The following GSAP variants were observed in gnomAD, a reference collection of about 807,000 sequenced individuals.
GSAP encodes the protein gamma-secretase activating protein.
GSAP carries 118 observed loss-of-function variants against 131.7 expected under a neutral mutation model. The observed-to-expected ratio is 0.90, with a 90% CI of 0.77 to 1.04. The LOEUF (loss-of-function observed/expected upper bound fraction) is 1.04. Ranked by LOEUF, GSAP falls within the 50% of genes least tolerant of loss-of-function variation. The probability of loss-of-function intolerance (pLI) is 0.00; values close to 1 mark genes in which losing one functional copy is unlikely to be tolerated. For missense variants in GSAP, 1,019 were observed against 1,013.2 expected, an observed-to-expected ratio of 1.01 and a Z score of -0.08; for synonymous variants, 381 against 363.4, an observed-to-expected ratio of 1.05 and a Z score of -0.55.
intron 24 of GSAP, 61 bp from the exon 25 acceptor site, chr7:77,321,464 C>G (rs774867835): frequency 4.8e-6 from 5 of 1,036,824 alleles, no homozygotes; most frequent in Non-Finnish European, 7.6e-6. Context: ...GGCCCCACAG[C>G]TAGGCCTCCA....
chr7:77,379,516 T>C (rs539539189), intron 8 of GSAP, among the ~76,000 whole-genome samples: 2 of 152,150 alleles, frequency 1.3e-5, no homozygotes, highest in Non-Finnish European at 2.9e-5. Flanking sequence ...AATTGCAGAA[T>C]CTTTTCTGGG....
At chr7:77,367,674 G>A (rs1302775877) in intron 12 of GSAP, among the ~76,000 whole-genome samples, 2 of 152,110 alleles carry the variant, frequency 1.3e-5, no homozygotes, top group Non-Finnish European at 2.9e-5. Flanking sequence ...TTGTTCTTAT[G>A]TCTCTGACAG....
chr7:77,385,030 C>T (rs1227038399), intron 6 of GSAP, among the ~76,000 whole-genome samples: 2 of 150,098 alleles, frequency 1.3e-5, no homozygotes, highest in Non-Finnish European at 3.0e-5. Flanking sequence ...CCATGTACTT[C>T]TAACTTTTTT....
At position 77,369,498 on chromosome 7, in the gene GSAP, GA is replaced by G. The variant is rs1291172627; in HGVS notation, c.871+4571del. 2.0e-5 allele frequency among the ~76,000 whole-genome samples: 3 copies of G among 152,186 alleles called. No individual in the cohort carries two copies. The East Asian group carries it at 5.8e-4, about 29-fold the overall frequency. On this transcript the variant is annotated intron_variant, in intron 12 of 30. Transcript: ENST00000257626. ...GGAAATTCAGGACAAATGTTTTCAA[GA>G]ATATAAAAAGTAATGGTGAAAGGAC...
intron 14 of GSAP, 140 bp from the exon 15 acceptor site, chr7:77,355,787 G>GTTTTTGTTTTTTTTT: frequency 3.4e-6 from 1 of 291,652 alleles, no homozygotes. Flanking sequence ...ATGACAGCCC[G>GTTTTTGTTTTTTTTT]TTTTTTTTTT....
intron 16 of GSAP, among the ~76,000 whole-genome samples, chr7:77,354,830 AT>A (rs1352300008): frequency 1.3e-5 from 2 of 152,198 alleles, no homozygotes; most frequent in African/African-American, 2.4e-5. Flanking sequence ...AATGTAAGCT[AT>A]TTTTATTACA....
chr7:77,384,635 T>C (rs1798280796), intron 6 of GSAP, among the ~76,000 whole-genome samples: 1 of 152,104 alleles, frequency 6.6e-6, no homozygotes, highest in Non-Finnish European at 1.5e-5. Context: ...CACCTTGTGC[T>C]GGAAGGAAAC....
intron 19 of GSAP, among the ~76,000 whole-genome samples, chr7:77,348,500 A>G (rs1251660519): frequency 1.3e-5 from 2 of 152,128 alleles, no homozygotes; most frequent in Non-Finnish European, 2.9e-5. Context: ...CCAGCTGTCC[A>G]GGCCCGGCCT....
intron 24 of GSAP, 72 bp from the exon 25 acceptor site, chr7:77,321,475 C>T: frequency 1.1e-6 from 1 of 931,734 alleles, no homozygotes; most frequent in South Asian, 1.3e-5. Flanking sequence ...TAGGCCTCCA[C>T]AACTCAGATA....
chr7:77,317,347 G>A (rs939921071), intron 26 of GSAP, among the ~76,000 whole-genome samples: 2 of 127,128 alleles, frequency 1.6e-5, no homozygotes, highest in African/African-American at 7.2e-5. Context: ...ACAAGGGTTG[G>A]GGGGGAACAT....
rs1304887835 is a variant in GSAP, at chr7:77,336,525, G to A, written c.1546-6158C>T. 4.6e-5 allele frequency among the ~76,000 whole-genome samples: 7 copies of A among 151,706 alleles called. No individual in the cohort carries two copies. The East Asian group carries it at 7.7e-4, about 17-fold the overall frequency. ...TTTTGAGACAGAGTCTCCCTCTGTCGCCCAGGCTGGAGTGCAATGGCGCAA... is the reference window on the plus strand; with the variant it reads ...TTTTGAGACAGAGTCTCCCTCTGTCACCCAGGCTGGAGTGCAATGGCGCAA... On this transcript the variant is annotated intron_variant, in intron 19 of 30. Transcript: ENST00000257626.
chr7:77,343,349 G>A (rs1172830097), intron 19 of GSAP, among the ~76,000 whole-genome samples: 1 of 152,078 alleles, frequency 6.6e-6, no homozygotes, highest in East Asian at 1.9e-4. Flanking sequence ...CTTAACTCAA[G>A]CCCTCAATCT....
At chr7:77,386,643 G>A (rs1047717465) in intron 6 of GSAP, among the ~76,000 whole-genome samples, 2 of 152,170 alleles carry the variant, frequency 1.3e-5, no homozygotes, top group Admixed American at 1.3e-4. Flanking sequence ...AGGAACACTA[G>A]ACGGTGCCTC....
At chr7:77,392,001 G>T (rs928224117) in intron 5 of GSAP, among the ~76,000 whole-genome samples, 6 of 152,202 alleles carry the variant, frequency 3.9e-5, no homozygotes, top group Middle Eastern at 3.4e-3. Flanking sequence ...AAGGCGGGTG[G>T]ATCACCTGAG....
rs1170854404 is a variant in GSAP, at chr7:77,333,319, A to G, written c.1546-2952T>C. ...ACTCTTTGGGTGTGAGCAAAGACAC[A>G]GACTAGAAGATGGATTCGGGGCTCA... On this transcript the variant is annotated intron_variant, in intron 19 of 30. Coordinates refer to ENST00000257626, the MANE Select transcript of GSAP (RefSeq NM_017439.4). 2.0e-5 allele frequency among the ~76,000 whole-genome samples: 3 copies of G among 152,328 alleles called. No homozygotes were observed. In the East Asian group the frequency reaches 5.8e-4, roughly 29 times the overall value.
intron 26 of GSAP, among the ~76,000 whole-genome samples, chr7:77,318,766 A>G (rs1168787828): frequency 1.3e-5 from 2 of 152,108 alleles, no homozygotes; most frequent in African/African-American, 4.8e-5. Context: ...TAAAAGAAAC[A>G]TAGAGGGAAA....
chr7:77,405,156 G>A (rs1054369409), intron 2 of GSAP, among the ~76,000 whole-genome samples: 1 of 152,178 alleles, frequency 6.6e-6, no homozygotes, highest in African/African-American at 2.4e-5. Context: ...TAAATAACAT[G>A]CTTCACATGC....
At chr7:77,398,810 C>G (rs1036339995) in intron 3 of GSAP, among the ~76,000 whole-genome samples, 14 of 152,114 alleles carry the variant, frequency 9.2e-5, no homozygotes, top group African/African-American at 3.4e-4. Flanking sequence ...CTTTTATACT[C>G]AGCCAATCCC....
At chr7:77,351,658 G>A (rs778871069) in intron 18 of GSAP, 55 of 985,608 alleles carry the variant, frequency 5.6e-5, no homozygotes, top group Non-Finnish European at 6.0e-5. Flanking sequence ...CACCCTGTGC[G>A]TGTCCACAAT....
Sources: gnomAD v4.1 joint callset for allele counts (sites outside exome capture counted in the v4.1 genomes callset) on GRCh38, gnomAD v4.1.1 for gene constraint, MANE v1.5 for transcripts, NCBI Gene and HGNC (gene_info 2026-07-23, HGNC 2026-07-21) for gene names.